The following DTNA variants were observed in gnomAD, a reference collection of about 807,000 sequenced individuals.
DTNA encodes the protein dystrophin-related protein 3.
In DTNA, 43 loss-of-function variants were observed where a neutral mutation model predicts 100.7. The observed-to-expected ratio is 0.43, with a 90% confidence interval of 0.33 to 0.55. The LOEUF (loss-of-function observed/expected upper bound fraction) is 0.55, where lower values mean the gene tolerates loss of function less well. Among genes scored for constraint, DTNA ranks in the 20% least tolerant of loss-of-function variants. DTNA has a pLI of 0.04. For missense variants in DTNA, 798 were observed against 953.9 expected (o/e 0.84, Z 2.15); for synonymous variants, 349 against 347.9 (o/e 1.00, Z -0.04).
rs528459114 is a variant in DTNA at position 34,714,490 on chromosome 18, C to T, written c.-2+4045C>T. ...CAAAAAACACATGAAAAAATGCTCA[C>T]CATCACTGGCCATCAGAGAAATGCA... On this transcript the variant is annotated intron_variant, in intron 1 of 22. Transcript: ENST00000444659. Among the ~76,000 whole-genome samples, 1,121 of 149,440 alleles carry T rather than the reference C, an allele frequency of 7.5e-3. 8 individuals carry two copies. Among genetic ancestry groups the T allele is most frequent in the Non-Finnish European group, 0.011 (713 of 67,282 alleles).
intron 11 of DTNA, among the ~76,000 whole-genome samples, chr18:34,836,247 G>C (rs1157769097): frequency 6.6e-6 from 1 of 152,204 alleles, no homozygotes; most frequent in Non-Finnish European, 1.5e-5. Flanking sequence ...ATTTGGCCCT[G>C]ATGGGCAGGT....
In DTNA at chr18:34,827,668, T is replaced by C; in HGVS notation, c.1077T>C (p.Ile359=). 2 of 1,613,836 alleles carry C rather than the reference T, an allele frequency of 1.2e-6. No individual in the cohort carries two copies. Among genetic ancestry groups the C allele is most frequent in the Non-Finnish European group, 1.7e-6 (2 of 1,179,734 alleles). Residue 359 remains isoleucine (I), a synonymous_variant, in exon 10 of 23, where the codon ATT becomes ATC. Transcript: ENST00000444659. ...HSVPSSGSPF[I]TRRLPEGISA... ...TTCCCTCCTCAGGAAGTCCTTTTAT[T>C]ACCAGGAGGTAAGTTCCAACCCTAT...
In DTNA at chr18:34,857,579, A is replaced by G. The variant is rs2096568236; in HGVS notation, c.1533-706A>G. ...GCTCTGACATCAATAGTTGACTGAC[A>G]CATCTCACCCCCGACAGAGGTCACA... On this transcript the variant is annotated intron_variant, in intron 15 of 22. Transcript: ENST00000444659. 1.3e-5 allele frequency among the ~76,000 whole-genome samples: 2 copies of G among 152,210 alleles called. 1 individual carries two copies. Among genetic ancestry groups the G allele is most frequent in the Admixed American group, 1.3e-4 (2 of 15,280 alleles).
chr18:34,648,891 C>G (rs900712234), intron 1 of DTNA, among the ~76,000 whole-genome samples: 13 of 152,280 alleles, frequency 8.5e-5, no homozygotes, highest in Non-Finnish European at 1.8e-4. Context: ...CACACATTAA[C>G]TTTAAAATAT....
chr18:34,523,917 G>A (rs1327606797), intron 1 of DTNA, among the ~76,000 whole-genome samples: 1 of 152,142 alleles, frequency 6.6e-6, no homozygotes, highest in Non-Finnish European at 1.5e-5. Context: ...TATGTTTCAA[G>A]TGTCTTGGAC....
chr18:34,567,529 G>A (rs907944354), intron 1 of DTNA, among the ~76,000 whole-genome samples: 2 of 152,006 alleles, frequency 1.3e-5, no homozygotes, highest in African/African-American at 4.8e-5. Context: ...TATACAGATT[G>A]ATAAGAAATT....
At chr18:34,556,571 G>A in intron 1 of DTNA, among the ~76,000 whole-genome samples, 1 of 152,002 alleles carries the variant, frequency 6.6e-6, no homozygotes, top group Non-Finnish European at 1.5e-5. Flanking sequence ...GCCTGGTGGT[G>A]ACAAAATCTG....
chr18:34,871,821 G>A (rs1327417063), intron 17 of DTNA, among the ~76,000 whole-genome samples: 1 of 152,210 alleles, frequency 6.6e-6, no homozygotes, highest in East Asian at 1.9e-4. Context: ...GAGAGGTGGG[G>A]CCGTGATCAC....
intron 1 of DTNA, among the ~76,000 whole-genome samples, chr18:34,547,534 A>G (rs1160910769): frequency 6.6e-6 from 1 of 152,104 alleles, no homozygotes; most frequent in African/African-American, 2.4e-5. Context: ...GGCCTAACTC[A>G]ATGAAAATTA....
intron 3 of DTNA, among the ~76,000 whole-genome samples, chr18:34,779,023 C>T (rs1308078348): frequency 1.3e-5 from 2 of 151,774 alleles, no homozygotes; most frequent in Non-Finnish European, 2.9e-5. Context: ...GGGATTTCAC[C>T]ATGTTAGCGG....
chr18:34,716,559 A>G (rs1600717805), intron 1 of DTNA, among the ~76,000 whole-genome samples: 1 of 152,272 alleles, frequency 6.6e-6, no homozygotes, highest in African/African-American at 2.4e-5. Context: ...GTGAAACTCC[A>G]TCTCAATTAA....
chr18:34,884,056 T>C (rs890121521), intron 21 of DTNA, among the ~76,000 whole-genome samples: 1 of 152,156 alleles, frequency 6.6e-6, no homozygotes, highest in Non-Finnish European at 1.5e-5. Flanking sequence ...TGCCAGGGTG[T>C]CTCTGGGAAT....
chr18:34,541,361 A>C (rs923159113), intron 1 of DTNA, among the ~76,000 whole-genome samples: 2 of 152,066 alleles, frequency 1.3e-5, no homozygotes, highest in Non-Finnish European at 2.9e-5. Flanking sequence ...TCCTCACCCA[A>C]ATCTCACCTT....
At chr18:34,513,276 C>A (rs1372351936) in intron 1 of DTNA, among the ~76,000 whole-genome samples, 6 of 152,068 alleles carry the variant, frequency 3.9e-5, no homozygotes. Flanking sequence ...GCTTAATTAA[C>A]AACACCTATA....
chr18:34,655,543 G>T (rs1189912461), intron 1 of DTNA, among the ~76,000 whole-genome samples: 1 of 152,154 alleles, frequency 6.6e-6, no homozygotes, highest in Non-Finnish European at 1.5e-5. Context: ...AGACTATTGT[G>T]CATTTTACCC....
At chr18:34,823,690 A>T (rs1351460452) in intron 9 of DTNA, among the ~76,000 whole-genome samples, 1 of 152,178 alleles carries the variant, frequency 6.6e-6, no homozygotes, top group East Asian at 1.9e-4. Context: ...TCCCTCTCTG[A>T]TCTTTCCCCT....
chr18:34,788,540 C>T (rs1180363147), intron 3 of DTNA, among the ~76,000 whole-genome samples: 1 of 152,090 alleles, frequency 6.6e-6, no homozygotes, highest in African/African-American at 2.4e-5. Flanking sequence ...AGTAGGGGAC[C>T]CCAGCCACTG....
intron 1 of DTNA, among the ~76,000 whole-genome samples, chr18:34,692,542 TTAGA>T (rs1448979571): frequency 1.3e-5 from 2 of 152,226 alleles, no homozygotes; most frequent in South Asian, 2.1e-4. Context: ...AATATGTTTG[TTAGA>T]TAGTGTTAAA....
chr18:34,665,983 CT>C (rs1241837960), intron 1 of DTNA, among the ~76,000 whole-genome samples: 2 of 152,156 alleles, frequency 1.3e-5, no homozygotes, highest in Non-Finnish European at 2.9e-5. Flanking sequence ...CTCTAGATCC[CT>C]GAGGAATCGC....
Sources: allele counts gnomAD v4.1 joint callset (sites outside exome capture counted in the v4.1 genomes callset), GRCh38; gene constraint gnomAD v4.1.1; transcripts MANE v1.5; gene names NCBI Gene and HGNC (gene_info 2026-07-23, HGNC 2026-07-21).